PDE8B: variants seen among roughly 807,000 people sequenced by gnomAD.
The protein encoded by PDE8B is high affinity cAMP-specific and IBMX-insensitive 3',5'-cyclic phosphodiesterase 8B.
Under a neutral mutation model 101.3 loss-of-function variants are expected in PDE8B, and 26 were observed. The ratio of observed to expected loss-of-function variants is 0.26; its 90% CI spans 0.19 to 0.36. The LOEUF (loss-of-function observed/expected upper bound fraction) is 0.36. Among genes scored for constraint, PDE8B ranks in the 10% least tolerant of loss-of-function variants. The pLI, the probability that PDE8B is intolerant of heterozygous loss-of-function variation, is 1.00. For missense variants in PDE8B, 810 were observed against 1,163.1 expected, an observed-to-expected ratio of 0.70 and a Z score of 4.42; for synonymous variants, 424 against 429.3, an observed-to-expected ratio of 0.99 and a Z score of 0.15.
At chr5:77,141,266 G>A in the PDE8B span, 1 of 152,120 alleles carries the variant, frequency 6.6e-6, no homozygotes, top group African/African-American at 2.4e-5. Flanking sequence ...ACAAAAGAGG[G>A]ATCTAATACT....
chr5:77,222,139 G>T (rs1311862663), intron 1 of PDE8B, among the ~76,000 whole-genome samples: 2 of 152,170 alleles, frequency 1.3e-5, no homozygotes, highest in African/African-American at 4.8e-5. Context: ...TTCCAGCTCT[G>T]CCCTGTACAA....
chr5:77,262,764 C>A (rs1760895698), intron 1 of PDE8B, among the ~76,000 whole-genome samples: 1 of 152,216 alleles, frequency 6.6e-6, no homozygotes. Flanking sequence ...AGGATGCCAG[C>A]TGGACTTGAA....
chr5:77,317,311 A>G (rs1773975673), intron 2 of PDE8B, among the ~76,000 whole-genome samples: 2 of 152,218 alleles, frequency 1.3e-5, no homozygotes, highest in Non-Finnish European at 2.9e-5. Context: ...CTGCAATGCC[A>G]AAAATATTAA....
At position 77,349,411 on chromosome 5, in the gene PDE8B, A is replaced by G. The variant is rs752627882; in HGVS notation, c.877-8A>G. On this transcript the variant is annotated splice_region_variant and splice_polypyrimidine_tract_variant and intron_variant, in intron 7 of 21. Transcript: ENST00000264917. ...CCGCACTGATCTGTACCAACCTCCC[A>G]TTAACAGTATGTCAACCCAGCCTTC... 1 of 1,614,148 alleles carries G rather than the reference A, an allele frequency of 6.2e-7. No individual in the cohort carries two copies. Among genetic ancestry groups the G allele is most frequent in the Non-Finnish European group, 8.5e-7 (1 of 1,180,016 alleles).
chr5:77,253,528 A>G (rs1451756973), intron 1 of PDE8B, among the ~76,000 whole-genome samples: 1 of 152,240 alleles, frequency 6.6e-6, no homozygotes, highest in Admixed American at 6.5e-5. Flanking sequence ...AGAGAAAAAG[A>G]AATTGAAGAT....
chr5:77,267,648 C>T (rs1762015678), intron 1 of PDE8B, among the ~76,000 whole-genome samples: 1 of 152,146 alleles, frequency 6.6e-6, no homozygotes, highest in Non-Finnish European at 1.5e-5. Context: ...TGCCCTCTGT[C>T]CCAACTCTCA....
intron 10 of PDE8B, among the ~76,000 whole-genome samples, chr5:77,389,895 C>T (rs904110159): frequency 6.6e-6 from 1 of 152,140 alleles, no homozygotes; most frequent in East Asian, 1.9e-4. Context: ...TTTGAACATT[C>T]TTGGACAAGT....
intron 10 of PDE8B, among the ~76,000 whole-genome samples, chr5:77,357,101 A>G (rs557624558): frequency 3.5e-4 from 54 of 152,272 alleles, no homozygotes; most frequent in African/African-American, 1.2e-3. Flanking sequence ...GCCCCTTTCA[A>G]TCATTCTCAA....
the PDE8B span, chr5:77,112,116 C>T: frequency 8.5e-5 from 13 of 152,216 alleles, no homozygotes; most frequent in African/African-American, 1.9e-4. Context: ...AAACCCAGCA[C>T]GTATTTTATA....
chr5:77,331,331 C>T (rs1422856767), intron 4 of PDE8B, 71 bp from the exon 5 acceptor site: 1 of 1,355,592 alleles, frequency 7.4e-7, no homozygotes, highest in East Asian at 2.3e-5. Flanking sequence ...TCATTGCTCT[C>T]TCTCCGTGTT....
chr5:77,235,100 A>G (rs565663758), intron 1 of PDE8B, among the ~76,000 whole-genome samples: 1 of 152,208 alleles, frequency 6.6e-6, no homozygotes, highest in East Asian at 1.9e-4. Flanking sequence ...AGAGGCCTAC[A>G]ATCTGTTGTT....
intron 1 of PDE8B, among the ~76,000 whole-genome samples, chr5:77,246,134 G>C (rs1756888351): frequency 6.6e-6 from 1 of 152,118 alleles, no homozygotes; most frequent in African/African-American, 2.4e-5. Flanking sequence ...CTACAGGCAT[G>C]AGCCATCATG....
At chr5:77,177,216 C>T in the PDE8B span, among the ~76,000 whole-genome samples, 1 of 152,190 alleles carries the variant, frequency 6.6e-6, no homozygotes, top group South Asian at 2.1e-4. Context: ...CATGTTTAAA[C>T]ATGAGGCATC....
chr5:77,237,506 A>G (rs1160823014), intron 1 of PDE8B, among the ~76,000 whole-genome samples: 2 of 152,178 alleles, frequency 1.3e-5, no homozygotes, highest in African/African-American at 4.8e-5. Flanking sequence ...ATATAAAGAA[A>G]TCTTCATGTG....
At chr5:77,271,177 A>G (rs532763355) in intron 1 of PDE8B, among the ~76,000 whole-genome samples, 3 of 152,370 alleles carry the variant, frequency 2.0e-5, no homozygotes, top group African/African-American at 7.2e-5. Flanking sequence ...AAAGACCATA[A>G]GATCTCCCTA....
the PDE8B span, among the ~76,000 whole-genome samples, chr5:77,175,735 T>C: frequency 1.3e-5 from 2 of 152,242 alleles, no homozygotes; most frequent in African/African-American, 4.8e-5. Flanking sequence ...TGGCATATAG[T>C]AGTTGCTCAA....
chr5:77,328,026 A>T lies in PDE8B; in HGVS notation c.591-972A>T, dbSNP rs1000350445. On this transcript the variant is annotated intron_variant, in intron 3 of 21. Transcript: ENST00000264917. Reference sequence around the variant, plus strand: ...CAAATACATTAAAGTAGAGAGGAGCAGAAATGCCCACAGCCAGAGAGAAAA... The same window carrying T: ...CAAATACATTAAAGTAGAGAGGAGCTGAAATGCCCACAGCCAGAGAGAAAA... 5.9e-5 allele frequency among the ~76,000 whole-genome samples: 9 copies of T among 152,232 alleles called. No homozygotes were observed. The South Asian group carries it at 6.2e-4, about 11-fold the overall frequency.
intron 1 of PDE8B, among the ~76,000 whole-genome samples, chr5:77,229,642 G>A (rs1753137946): frequency 1.3e-5 from 2 of 152,096 alleles, no homozygotes; most frequent in Admixed American, 6.5e-5. Flanking sequence ...GTGTTTTCAG[G>A]CACTATAGAT....
At chr5:77,337,096 TC>T (rs1287099796) in intron 5 of PDE8B, 130 bp from the exon 6 acceptor site, 2 of 663,962 alleles carry the variant, frequency 3.0e-6, no homozygotes, top group Non-Finnish European at 5.5e-6. Context: ...AGCTGTTTCA[TC>T]TCATCTTACC....
Sources: allele counts gnomAD v4.1 joint callset (sites outside exome capture counted in the v4.1 genomes callset), GRCh38; gene constraint gnomAD v4.1.1; transcripts MANE v1.5; gene names NCBI Gene and HGNC (gene_info 2026-07-23, HGNC 2026-07-21).